Variants in SPADH observed in about 807,000 individuals in gnomAD.
The protein encoded by SPADH is CUB domain-containing protein.
chr10:122,676,240 G>C, the SPADH span, among the ~76,000 whole-genome samples: 2 of 152,214 alleles, frequency 1.3e-5, no homozygotes, highest in African/African-American at 2.4e-5. Flanking sequence ...TTAGAAACTG[G>C]AACACATTTG....
chr10:122,674,989 C>A, the SPADH span, among the ~76,000 whole-genome samples: 2 of 152,174 alleles, frequency 1.3e-5, no homozygotes, highest in African/African-American at 4.8e-5. Flanking sequence ...CCCAGTGTCA[C>A]GTGCACCGTG....
chr10:122,678,963 T>C, the SPADH span: 4 of 984,924 alleles, frequency 4.1e-6, no homozygotes, highest in African/African-American at 1.7e-5. Flanking sequence ...TCCAACATCA[T>C]CACCATCAAG....
the SPADH span, chr10:122,675,665 C>A: frequency 1.0e-6 from 1 of 984,064 alleles, no homozygotes; most frequent in Non-Finnish European, 1.2e-6. Context: ...GCTCCATTTG[C>A]CACAGGTAAA....
the SPADH span, among the ~76,000 whole-genome samples, chr10:122,674,710 A>C: frequency 2.6e-4 from 39 of 152,362 alleles, no homozygotes; most frequent in East Asian, 7.1e-3. Flanking sequence ...TGGAAAACGA[A>C]GCAACTGTCT....
At chr10:122,679,026 T>C in the SPADH span, 1 of 985,346 alleles carries the variant, frequency 1.0e-6, no homozygotes, top group Non-Finnish European at 1.2e-6. Flanking sequence ...TATTACTTTG[T>C]TGACGCTTGG....
the SPADH span, chr10:122,672,923 T>A: frequency 2.0e-6 from 2 of 985,334 alleles, no homozygotes; most frequent in Non-Finnish European, 2.4e-6. Context: ...TGCTGTGCAG[T>A]ATAGGTAACG....
At chr10:122,676,817 G>C in the SPADH span, 1,872 of 985,306 alleles carry the variant, frequency 1.9e-3, 24 homozygotes, top group African/African-American at 0.03. Flanking sequence ...ACTACGCTGG[G>C]CCGAAAACTG....
chr10:122,673,303 G>A, the SPADH span, among the ~76,000 whole-genome samples: 1 of 152,186 alleles, frequency 6.6e-6, no homozygotes, highest in East Asian at 1.9e-4. Flanking sequence ...TCTGACGGCA[G>A]GCAGTGTCTT....
At chr10:122,677,138 T>C in the SPADH span, among the ~76,000 whole-genome samples, 2 of 152,170 alleles carry the variant, frequency 1.3e-5, no homozygotes, top group South Asian at 2.1e-4. Context: ...TCTGATCACT[T>C]CTCCTCTCTG....
chr10:122,672,916 T>G, the SPADH span: 18 of 985,364 alleles, frequency 1.8e-5, no homozygotes, highest in Non-Finnish European at 2.2e-5. Context: ...TGGCCGCTGC[T>G]GTGCAGTATA....
the SPADH span, chr10:122,675,765 G>A: frequency 1.5e-5 from 5 of 341,450 alleles, no homozygotes; most frequent in African/African-American, 6.7e-5. Context: ...AGAAGGGCAC[G>A]TACCAGGGAT....
At chr10:122,676,902 G>C in the SPADH span, 46 of 985,320 alleles carry the variant, frequency 4.7e-5, no homozygotes, top group African/African-American at 7.7e-4. Flanking sequence ...GTGAGTACTG[G>C]GGTTGTGAGT....
the SPADH span, chr10:122,676,984 C>T: frequency 1.2e-6 from 1 of 834,052 alleles, no homozygotes; most frequent in Non-Finnish European, 1.4e-6. Flanking sequence ...TCCACCCTAT[C>T]CATGACAGCC....
the SPADH span, among the ~76,000 whole-genome samples, chr10:122,673,621 C>A: frequency 6.6e-6 from 1 of 152,160 alleles, no homozygotes; most frequent in African/African-American, 2.4e-5. Flanking sequence ...AGGGAGATGT[C>A]TTCGTCTCTA....
the SPADH span, among the ~76,000 whole-genome samples, chr10:122,677,913 T>C: frequency 2.0e-5 from 3 of 152,164 alleles, no homozygotes; most frequent in African/African-American, 7.2e-5. Context: ...GGACCTGGAA[T>C]GAAAGAGTCG....
At chr10:122,675,050 C>T in the SPADH span, among the ~76,000 whole-genome samples, 1 of 152,198 alleles carries the variant, frequency 6.6e-6, no homozygotes, top group Non-Finnish European at 1.5e-5. Context: ...TATCTAACTC[C>T]AGTCCCTGAA....
the SPADH span, among the ~76,000 whole-genome samples, chr10:122,673,801 C>T: frequency 4.6e-5 from 7 of 152,284 alleles, no homozygotes; most frequent in East Asian, 3.9e-4. Flanking sequence ...ATTTCTCCTG[C>T]GCTGCTCCAC....
chr10:122,674,707 C>T, the SPADH span, among the ~76,000 whole-genome samples: 39 of 152,310 alleles, frequency 2.6e-4, no homozygotes, highest in African/African-American at 7.9e-4. Context: ...ATTTGGAAAA[C>T]GAAGCAACTG....
the SPADH span, chr10:122,676,741 T>C: frequency 1.0e-6 from 1 of 985,328 alleles, no homozygotes; most frequent in Non-Finnish European, 1.2e-6. Context: ...CTGGGCCCCG[T>C]TTCTCCTCTT....
Sources: gnomAD v4.1 joint callset for allele counts (sites outside exome capture counted in the v4.1 genomes callset) on GRCh38, gnomAD v4.1.1 for gene constraint, MANE v1.5 for transcripts, NCBI Gene and HGNC (gene_info 2026-07-23, HGNC 2026-07-21) for gene names.